Variants in MYO1E observed in about 807,000 individuals in gnomAD.
The protein encoded by MYO1E is unconventional myosin-Ie.
Under a neutral mutation model 151.1 loss-of-function variants are expected in MYO1E, and 68 were observed. The observed-to-expected ratio is 0.45, with a 90% CI of 0.37 to 0.55. The LOEUF (loss-of-function observed/expected upper bound fraction) is 0.55. MYO1E is among the 20% of genes least tolerant of loss of function. The pLI, the probability that MYO1E is intolerant of heterozygous loss-of-function variation, is 0.00. For synonymous variants in MYO1E, 601 were observed against 501.7 expected (o/e 1.20, Z -2.64); for missense variants, 1,363 against 1,389.3 (o/e 0.98, Z 0.30).
intron 26 of MYO1E, among the ~76,000 whole-genome samples, chr15:59,142,119 A>T (rs1015728571): frequency 2.6e-5 from 4 of 151,092 alleles, no homozygotes; most frequent in Non-Finnish European, 5.9e-5. Context: ...AAAAAAAAAA[A>T]TTTTTTTTTT....
chr15:59,198,666 A>G (rs1236739136), intron 16 of MYO1E, among the ~76,000 whole-genome samples: 1 of 151,906 alleles, frequency 6.6e-6, no homozygotes, highest in African/African-American at 2.4e-5. Flanking sequence ...AAAAAATACC[A>G]AAAAATTAGC....
intron 22 of MYO1E, among the ~76,000 whole-genome samples, chr15:59,170,423 GACAA>G (rs2079585905): frequency 1.3e-5 from 2 of 152,152 alleles, no homozygotes. Flanking sequence ...CCCATGCAAT[GACAA>G]ACAAAGCAGG....
intron 1 of MYO1E, among the ~76,000 whole-genome samples, chr15:59,364,118 C>T (rs2080900266): frequency 6.6e-6 from 1 of 152,182 alleles, no homozygotes; most frequent in Non-Finnish European, 1.5e-5. Flanking sequence ...TTTGCCATGG[C>T]AATGTCTTCT....
chr15:59,179,542 G>C (rs921045718), intron 18 of MYO1E, among the ~76,000 whole-genome samples: 1 of 152,138 alleles, frequency 6.6e-6, no homozygotes, highest in South Asian at 2.1e-4. Flanking sequence ...TGAAGCTTTT[G>C]ATGTACGATC....
intron 1 of MYO1E, among the ~76,000 whole-genome samples, chr15:59,333,367 G>T (rs2080709366): frequency 6.6e-6 from 1 of 152,056 alleles, no homozygotes; most frequent in South Asian, 2.1e-4. Context: ...GCAACCCCCG[G>T]AGTAGCTGGG....
chr15:59,251,528 G>C (rs769018762), intron 4 of MYO1E, among the ~76,000 whole-genome samples: 2 of 152,194 alleles, frequency 1.3e-5, no homozygotes, highest in Non-Finnish European at 2.9e-5. Flanking sequence ...GAAGTTTTTA[G>C]ATGATGTTGA....
intron 4 of MYO1E, among the ~76,000 whole-genome samples, chr15:59,255,602 G>T (rs1248687516): frequency 6.6e-6 from 1 of 152,082 alleles, no homozygotes; most frequent in Non-Finnish European, 1.5e-5. Flanking sequence ...CTTAAGGCAG[G>T]AGTATCCAAT....
Position 59,161,198 on chromosome 15 carries a change from C to A in MYO1E, c.2660G>T (p.Gly887Val). The A allele has an allele frequency of 1.2e-6, 2 of 1,613,856 alleles. No individual in the cohort carries two copies. The highest frequency in any genetic ancestry group is 1.7e-5 in the Admixed American group (1 of 60,012). ...CCGGGAGCCCCCTGCACTCCAGGGGCCCCAGTTTTCCTTTTTCAACTTCAG... is the reference window on the plus strand; with the variant it reads ...CCGGGAGCCCCCTGCACTCCAGGGGACCCAGTTTTCCTTTTTCAACTTCAG... Reference protein sequence around the residue: ...LELKLKKENWGPWSAGGSRQV... With the variant: ...LELKLKKENWVPWSAGGSRQV... The change falls in exon 24 of 28, where the codon GGC (glycine) becomes GTC (valine). Residue 887 changes from glycine to valine, a missense_variant. Transcript: ENST00000288235.
At chr15:59,172,067 G>C in intron 21 of MYO1E, 25 bp from the exon 22 acceptor site, 1 of 1,612,130 alleles carries the variant, frequency 6.2e-7, no homozygotes, top group Non-Finnish European at 8.5e-7. Flanking sequence ...GCTTTAAGAA[G>C]CTGGACAGGC....
intron 1 of MYO1E, among the ~76,000 whole-genome samples, chr15:59,359,326 A>T (rs12438896): frequency 0.36 from 49,092 of 136,302 alleles, 9,987 homozygotes; most frequent in East Asian, 0.51. Flanking sequence ...ATATATATAT[A>T]TTTTTTTTTT....
At chr15:59,316,010 C>G (rs1430051143) in intron 1 of MYO1E, among the ~76,000 whole-genome samples, 1 of 152,116 alleles carries the variant, frequency 6.6e-6, no homozygotes, top group African/African-American at 2.4e-5. Context: ...CGTGGGCCAA[C>G]AAGTACCAGA....
At chr15:59,189,975 G>A (rs182464959) in intron 17 of MYO1E, among the ~76,000 whole-genome samples, 1 of 152,320 alleles carries the variant, frequency 6.6e-6, no homozygotes, top group East Asian at 1.9e-4. Context: ...TGCTGATTTA[G>A]TAGGCCTGCA....
At chr15:59,163,018 C>A (rs547609714) in intron 23 of MYO1E, 139 bp downstream of exon 23, 40 of 917,394 alleles carry the variant, frequency 4.4e-5, no homozygotes, top group Non-Finnish European at 6.1e-5. Flanking sequence ...CTTCTGCAGG[C>A]TCTAAGGTTC....
At chr15:59,250,104 C>T (rs1596384735) in intron 4 of MYO1E, among the ~76,000 whole-genome samples, 3 of 80,102 alleles carry the variant, frequency 3.7e-5, no homozygotes, top group Non-Finnish European at 7.2e-5. Context: ...AGAGAATTAA[C>T]TCAAGGGCTC....
intron 23 of MYO1E, among the ~76,000 whole-genome samples, 175 bp from the exon 24 acceptor site, chr15:59,161,405 C>T (rs370132883): frequency 1.3e-4 from 20 of 152,290 alleles, no homozygotes; most frequent in African/African-American, 4.6e-4. Context: ...GTGGCACTGT[C>T]GCTGCATGAC....
intron 19 of MYO1E, 148 bp downstream of exon 19, chr15:59,178,245 G>C: frequency 1.0e-6 from 1 of 973,016 alleles, no homozygotes; most frequent in Non-Finnish European, 1.5e-6. Context: ...GACCCACTTA[G>C]ACCAGGAAGG....
At chr15:59,229,875 A>G (rs2080015857) in intron 6 of MYO1E, among the ~76,000 whole-genome samples, 1 of 152,004 alleles carries the variant, frequency 6.6e-6, no homozygotes, top group Admixed American at 6.6e-5. Context: ...GTGCACATTA[A>G]AAAAAAACAA....
chr15:59,358,558 A>C (rs2080867632), intron 1 of MYO1E, among the ~76,000 whole-genome samples: 2 of 152,226 alleles, frequency 1.3e-5, no homozygotes, highest in Admixed American at 6.5e-5. Flanking sequence ...TAGATCATAG[A>C]AACAAAGCAC....
In MYO1E at chr15:59,333,703, C is replaced by T. The variant is rs182735801; in HGVS notation, c.3+38795G>A. Among the ~76,000 whole-genome samples the T allele has an allele frequency of 5.8e-4, 88 of 152,350 alleles. 1 individual carries two copies. The East Asian group carries it at 0.017, about 29-fold the overall frequency. Reference sequence around the variant, plus strand: ...TACTTCTTTCTAGATCCATTCTCTTCCTGCCTGGCTTTCAGCTTCTAGTTT... The same window carrying T: ...TACTTCTTTCTAGATCCATTCTCTTTCTGCCTGGCTTTCAGCTTCTAGTTT... On this transcript the variant is annotated intron_variant, in intron 1 of 27. Coordinates refer to ENST00000288235, the MANE Select transcript of MYO1E (RefSeq NM_004998.4).
Sources: allele counts gnomAD v4.1 joint callset (sites outside exome capture counted in the v4.1 genomes callset), GRCh38; gene constraint gnomAD v4.1.1; transcripts MANE v1.5; gene names NCBI Gene and HGNC (gene_info 2026-07-23, HGNC 2026-07-21).